The following CLEC16A variants were observed in gnomAD, a reference collection of about 807,000 sequenced individuals.
CLEC16A encodes C-type lectin domain containing 16A.
In CLEC16A, 51 loss-of-function variants were observed where a neutral mutation model predicts 109.5. The observed-to-expected ratio is 0.47, with a 90% CI of 0.37 to 0.59. The LOEUF (loss-of-function observed/expected upper bound fraction) is 0.59. CLEC16A is among the 20% of genes least tolerant of loss of function. CLEC16A has a pLI of 0.00. For missense variants in CLEC16A, 1,339 were observed against 1,394.0 expected (o/e 0.96, Z 0.63); for synonymous variants, 673 against 564.2 (o/e 1.19, Z -2.73).
intron 19 of CLEC16A, among the ~76,000 whole-genome samples, chr16:11,062,445 G>A (rs529835097): frequency 1.2e-4 from 18 of 152,196 alleles, no homozygotes; most frequent in African/African-American, 3.4e-4. Flanking sequence ...CCTCCGTTTC[G>A]TCTCCTGTAA....
intron 6 of CLEC16A, 56 bp from the exon 7 acceptor site, chr16:10,972,882 T>A (rs746434845): frequency 2.3e-5 from 35 of 1,516,304 alleles, no homozygotes; most frequent in Non-Finnish European, 2.7e-5. Flanking sequence ...TTTTTTAATC[T>A]TCCCCAAGTT....
At chr16:11,047,148 G>A (rs2152868399) in intron 16 of CLEC16A, 144 bp from the exon 17 acceptor site, 1 of 491,488 alleles carries the variant, frequency 2.0e-6, no homozygotes, top group East Asian at 3.6e-5. Flanking sequence ...GTTCACGTGT[G>A]CATTTTACTT....
intron 11 of CLEC16A, among the ~76,000 whole-genome samples, chr16:11,015,081 A>G (rs1037042442): frequency 1.3e-5 from 2 of 152,196 alleles, no homozygotes; most frequent in Admixed American, 1.3e-4. Flanking sequence ...GGGTTGTTTC[A>G]GTACCTATAA....
At chr16:10,982,395 G>A (rs142919058) in intron 9 of CLEC16A, among the ~76,000 whole-genome samples, 1 of 152,284 alleles carries the variant, frequency 6.6e-6, no homozygotes, top group Non-Finnish European at 1.5e-5. Context: ...GCTCCCTCCC[G>A]TGATGGAATC....
Position 11,126,108 on chromosome 16 carries a change from T to A in CLEC16A, c.2603T>A (p.Val868Glu). The change falls in exon 22 of 24, where the codon GTG becomes GAG. Residue 868 changes from valine to glutamate, a missense_variant. Physicochemically the swap from Val to Glu is moderately radical, Grantham distance 121. Around this residue, in one of 3 missense-constraint regions of CLEC16A, gnomAD observed 1,061 missense variants for 1,006.8 expected, o/e 1.05. Coordinates refer to ENST00000409790, the MANE Select transcript of CLEC16A (RefSeq NM_015226.3). ...QGRRGSSDPT[V>E]QRSVFASVDK... Reference sequence around the variant, plus strand: ...CGCCGGGGCAGCAGCGACCCCACAGTGCAGCGCTCCGTGTTTGCATCGGTG... The same window carrying A: ...CGCCGGGGCAGCAGCGACCCCACAGAGCAGCGCTCCGTGTTTGCATCGGTG... The A allele has an allele frequency of 6.2e-7, 1 of 1,613,784 alleles. No individual in the cohort carries two copies. The highest frequency in any genetic ancestry group is 8.5e-7 in the Non-Finnish European group (1 of 1,179,836).
chr16:11,158,712 C>A (rs1311022057), intron 22 of CLEC16A, among the ~76,000 whole-genome samples: 1 of 151,878 alleles, frequency 6.6e-6, no homozygotes, highest in Non-Finnish European at 1.5e-5. Flanking sequence ...CACTTTAGGT[C>A]AGGAGTTCGA....
At chr16:11,082,704 A>C (rs953102144) in intron 19 of CLEC16A, among the ~76,000 whole-genome samples, 2 of 152,222 alleles carry the variant, frequency 1.3e-5, no homozygotes, top group African/African-American at 4.8e-5. Context: ...CTGGAAGGAA[A>C]GGAACGCTTT....
chr16:11,026,836 A>C (rs1009537244), intron 13 of CLEC16A, among the ~76,000 whole-genome samples: 4 of 152,122 alleles, frequency 2.6e-5, no homozygotes, highest in African/African-American at 9.7e-5. Context: ...AAAACCCTGG[A>C]AGCGGTGCAA....
chr16:10,945,032 T>TCC (rs1050295358), intron 1 of CLEC16A, among the ~76,000 whole-genome samples: 4 of 152,188 alleles, frequency 2.6e-5, no homozygotes, highest in Non-Finnish European at 4.4e-5. Flanking sequence ...AGTCTCCGTA[T>TCC]CCCCACCTGT....
At chr16:11,094,448 T>A (rs562970350) in intron 19 of CLEC16A, among the ~76,000 whole-genome samples, 1 of 152,334 alleles carries the variant, frequency 6.6e-6, no homozygotes, top group Admixed American at 6.5e-5. Flanking sequence ...CTCTTGTGGC[T>A]TAACGGGCCC....
chr16:10,993,062 G>A (rs1324007801), intron 10 of CLEC16A, among the ~76,000 whole-genome samples: 1 of 152,030 alleles, frequency 6.6e-6, no homozygotes, highest in East Asian at 1.9e-4. Flanking sequence ...GAAATATCCT[G>A]GGTTGGTGGA....
chr16:11,156,726 T>C, intron 22 of CLEC16A: 1 of 1,218,164 alleles, frequency 8.2e-7, no homozygotes, highest in Non-Finnish European at 1.1e-6. Context: ...AGGCAGGGAC[T>C]GGGTCCTTGG....
chr16:10,991,423 C>CAAAAAAAA (rs756161193), intron 10 of CLEC16A, among the ~76,000 whole-genome samples: 13 of 63,368 alleles, frequency 2.1e-4, no homozygotes, highest in African/African-American at 4.9e-4. Flanking sequence ...GACTCCGTCT[C>CAAAAAAAA]AAAAAAAAAA....
chr16:11,016,792 C>A (rs951016527), intron 11 of CLEC16A, among the ~76,000 whole-genome samples: 50 of 152,068 alleles, frequency 3.3e-4, no homozygotes, highest in Non-Finnish European at 6.6e-4. Flanking sequence ...AATTTTCTTC[C>A]AATGCACAAT....
At chr16:11,172,165 C>T (rs2068545842) in intron 23 of CLEC16A, among the ~76,000 whole-genome samples, 2 of 152,190 alleles carry the variant, frequency 1.3e-5, no homozygotes, top group African/African-American at 4.8e-5. Flanking sequence ...CTCACACAGT[C>T]ACACATATAC....
intron 19 of CLEC16A, among the ~76,000 whole-genome samples, chr16:11,106,005 G>A (rs2051197792): frequency 6.6e-6 from 1 of 152,048 alleles, no homozygotes; most frequent in African/African-American, 2.4e-5. Flanking sequence ...TTCAACTTGG[G>A]AACAAAATGG....
At chr16:11,029,736 A>G (rs1333319649) in intron 13 of CLEC16A, among the ~76,000 whole-genome samples, 1 of 152,216 alleles carries the variant, frequency 6.6e-6, no homozygotes, top group Non-Finnish European at 1.5e-5. Context: ...AAAAAGTTGG[A>G]TTGAAGTCTA....
intron 18 of CLEC16A, among the ~76,000 whole-genome samples, chr16:11,059,412 C>G (rs2048367775): frequency 6.6e-6 from 1 of 152,108 alleles, no homozygotes; most frequent in Admixed American, 6.5e-5. Flanking sequence ...AGCATAGGGC[C>G]AGGAGATAGG....
chr16:11,065,465 T>C (rs2152915382), intron 19 of CLEC16A, among the ~76,000 whole-genome samples: 1 of 152,350 alleles, frequency 6.6e-6, no homozygotes, highest in Non-Finnish European at 1.5e-5. Context: ...TGCATTCAGC[T>C]ATTTATTGAG....
Sources: allele counts gnomAD v4.1 joint callset (sites outside exome capture counted in the v4.1 genomes callset), GRCh38; gene constraint gnomAD v4.1.1; regional missense constraint gnomAD v4.1.1; transcripts MANE v1.5; gene names NCBI Gene and HGNC (gene_info 2026-07-23, HGNC 2026-07-21).